The following PACRG variants were observed in gnomAD, a reference collection of about 807,000 sequenced individuals.
PACRG encodes parkin coregulated, also known as parkin coregulated gene protein.
Under a neutral mutation model 29.7 loss-of-function variants are expected in PACRG, and 29 were observed. The observed-to-expected ratio is 0.98, with a 90% CI of 0.73 to 1.33. PACRG has a LOEUF of 1.33. Ranked by LOEUF, PACRG falls within the 40% of genes most tolerant of loss-of-function variation. The probability of loss-of-function intolerance (pLI) is 0.00; values close to 1 mark genes in which losing one functional copy is unlikely to be tolerated. For synonymous variants in PACRG, 116 were observed against 118.7 expected (o/e 0.98, Z 0.15); for missense variants, 279 against 316.2 (o/e 0.88, Z 0.89).
chr6:163,307,276 G>C (rs1397540067), intron 4 of PACRG, among the ~76,000 whole-genome samples: 1 of 152,196 alleles, frequency 6.6e-6, no homozygotes, highest in Non-Finnish European at 1.5e-5. Flanking sequence ...TGATGGCTTA[G>C]TAACCTAGTG....
chr6:163,181,604 CAAAAAAAAAAA>C (rs544633309), intron 4 of PACRG, among the ~76,000 whole-genome samples: 12 of 65,118 alleles, frequency 1.8e-4, no homozygotes, highest in South Asian at 1.4e-3. Context: ...CTTGAGGTGG[CAAAAAAAAAAA>C]AAAAAAAAAA....
chr6:163,283,842 G>A (rs560202314), intron 4 of PACRG, among the ~76,000 whole-genome samples: 31 of 151,986 alleles, frequency 2.0e-4, no homozygotes, highest in Non-Finnish European at 3.8e-4. Context: ...GGCCAGATGC[G>A]GTGGCTCACA....
At chr6:163,014,358 T>C (rs946567731) in intron 2 of PACRG, among the ~76,000 whole-genome samples, 4 of 152,178 alleles carry the variant, frequency 2.6e-5, no homozygotes, top group African/African-American at 9.6e-5. Context: ...TTGTTTTCTT[T>C]TGGATATGTG....
chr6:163,239,908 G>A (rs1339912440), intron 4 of PACRG, among the ~76,000 whole-genome samples: 7 of 120,262 alleles, frequency 5.8e-5, no homozygotes, highest in African/African-American at 2.0e-4. Context: ...ACTGTCACAC[G>A]CTCATACTTC....
intron 2 of PACRG, among the ~76,000 whole-genome samples, chr6:162,969,979 A>G (rs1801388959): frequency 6.6e-6 from 1 of 152,198 alleles, no homozygotes. Flanking sequence ...AAATGAATGA[A>G]TGGTCGAATG....
intron 4 of PACRG, among the ~76,000 whole-genome samples, chr6:163,145,847 C>T (rs971144131): frequency 1.3e-5 from 2 of 152,188 alleles, no homozygotes; most frequent in Non-Finnish European, 2.9e-5. Flanking sequence ...CTAGGGGGCA[C>T]TGACGCCTAC....
intron 2 of PACRG, among the ~76,000 whole-genome samples, chr6:162,935,392 CTTT>C (rs79058842): frequency 8.9e-5 from 11 of 124,034 alleles, no homozygotes; most frequent in Admixed American, 1.6e-4. Context: ...CTGTTTTATT[CTTT>C]TTTTTTTTTT....
intron 2 of PACRG, among the ~76,000 whole-genome samples, chr6:162,830,197 G>A (rs1788631262): frequency 6.6e-6 from 1 of 152,108 alleles, no homozygotes; most frequent in Non-Finnish European, 1.5e-5. Context: ...GGGAATCGGG[G>A]ATTAAGATCT....
At chr6:162,756,935 A>G (rs1242659160) in intron 1 of PACRG, among the ~76,000 whole-genome samples, 4 of 152,164 alleles carry the variant, frequency 2.6e-5, no homozygotes, top group South Asian at 4.1e-4. Context: ...TCTTTACAAT[A>G]CAACCTTTAT....
intron 2 of PACRG, chr6:162,957,323 C>T: frequency 1.7e-6 from 1 of 582,728 alleles, no homozygotes; most frequent in Middle Eastern, 4.7e-4. Flanking sequence ...CTGTCCTGAA[C>T]ACATTTAGCA....
chr6:163,057,494 C>T (rs1810701267), intron 2 of PACRG, among the ~76,000 whole-genome samples: 1 of 152,140 alleles, frequency 6.6e-6, no homozygotes, highest in Non-Finnish European at 1.5e-5. Context: ...TGGCTCACTA[C>T]AGCCTGGACC....
chr6:163,021,099 T>A (rs1311875223), intron 2 of PACRG, among the ~76,000 whole-genome samples: 1 of 152,176 alleles, frequency 6.6e-6, no homozygotes, highest in Non-Finnish European at 1.5e-5. Flanking sequence ...CTCTCCATGG[T>A]GAGCCATCAC....
At chr6:162,919,992 C>A (rs1796955940) in intron 2 of PACRG, among the ~76,000 whole-genome samples, 1 of 152,096 alleles carries the variant, frequency 6.6e-6, no homozygotes, top group Admixed American at 6.6e-5. Flanking sequence ...GGTCCACTGA[C>A]CCCCATGTAG....
chr6:163,301,283 A>AC (rs1784993621), intron 4 of PACRG, among the ~76,000 whole-genome samples: 1 of 152,236 alleles, frequency 6.6e-6, no homozygotes, highest in African/African-American at 2.4e-5. Context: ...CCTTCAGATG[A>AC]CCACGTCTGG....
chr6:162,756,994 G>A (rs73601945), intron 1 of PACRG, among the ~76,000 whole-genome samples: 6,766 of 151,690 alleles, frequency 0.045, 518 homozygotes, highest in African/African-American at 0.15. Flanking sequence ...CTGGACTCAC[G>A]ATTCTGTTCT....
In PACRG at chr6:162,853,305, A is replaced by C. The variant is rs183366523; in HGVS notation, c.291+39024A>C. On this transcript the variant is annotated intron_variant, in intron 2 of 4. Coordinates refer to ENST00000366888, the MANE Select transcript of PACRG (RefSeq NM_001080379.2). The surrounding 1 kb of genome is among the most constrained non-coding windows in gnomAD (Gnocchi z 4.7). ...AAAATCTCTGCTCCAGAATGGCTTG[A>C]TCTCCTTGGAGATCAGGCAGAAAAT... is the stretch of plus-strand genomic sequence containing the variant. Among the ~76,000 whole-genome samples the C allele has an allele frequency of 6.6e-6, 1 of 152,272 alleles. No individual in the cohort carries two copies. The highest frequency in any genetic ancestry group is 1.5e-5 in the Non-Finnish European group (1 of 68,018).
In PACRG at chr6:162,806,097, T is replaced by C. The variant is rs544124374; in HGVS notation, c.157-8050T>C. ...TATGGCAGCTAGAGCCTTACAAAAA[T>C]GTATTTCTTTCTTTCCTTTTTTTTT... On this transcript the variant is annotated intron_variant, in intron 1 of 4. Transcript: ENST00000366888. Among the ~76,000 whole-genome samples the C allele has an allele frequency of 2.0e-5, 3 of 152,004 alleles. No homozygotes were observed. The East Asian group carries it at 5.8e-4, about 29-fold the overall frequency.
At chr6:162,737,652 T>C (rs1780270182) in intron 1 of PACRG, among the ~76,000 whole-genome samples, 1 of 152,168 alleles carries the variant, frequency 6.6e-6, no homozygotes, top group Non-Finnish European at 1.5e-5. Flanking sequence ...TTGGTGGGGC[T>C]AATTTATCCT....
intron 4 of PACRG, among the ~76,000 whole-genome samples, chr6:163,106,287 T>TG (rs1318008636): frequency 1.3e-5 from 2 of 152,198 alleles, no homozygotes; most frequent in Non-Finnish European, 2.9e-5. Flanking sequence ...CTGCACCTAA[T>TG]GGGGTATTTA....
Sources: gnomAD v4.1 joint callset for allele counts (sites outside exome capture counted in the v4.1 genomes callset) on GRCh38, gnomAD v4.1.1 for gene constraint, Gnocchi (gnomAD v3.1) non-coding constraint, MANE v1.5 for transcripts, NCBI Gene and HGNC (gene_info 2026-07-23, HGNC 2026-07-21) for gene names.